The following PTPRD variants were observed in gnomAD, a reference collection of about 807,000 sequenced individuals.
The protein encoded by PTPRD is protein tyrosine phosphatase receptor type D.
Under a neutral mutation model 214.5 loss-of-function variants are expected in PTPRD, and 34 were observed. That is an observed-to-expected ratio of 0.16 (90% CI 0.12 to 0.21). The LOEUF (loss-of-function observed/expected upper bound fraction) is 0.21, where lower values mean the gene tolerates loss of function less well. Among genes scored for constraint, PTPRD ranks in the 10% least tolerant of loss-of-function variants. PTPRD has a pLI of 1.00. For synonymous variants in PTPRD, 1,128 were observed against 845.7 expected, an observed-to-expected ratio of 1.33 and a Z score of -5.79; for missense variants, 2,545 against 2,398.7, an observed-to-expected ratio of 1.06 and a Z score of -1.27.
At chr9:9,987,352 G>C (rs140037323) in intron 4 of PTPRD, among the ~76,000 whole-genome samples, 1 of 152,134 alleles carries the variant, frequency 6.6e-6, no homozygotes, top group African/African-American at 2.4e-5. Flanking sequence ...GCAATTTACA[G>C]AAGAAAGAGG....
chr9:8,566,585 T>A (rs957507026), intron 14 of PTPRD, among the ~76,000 whole-genome samples: 1 of 152,158 alleles, frequency 6.6e-6, no homozygotes. Flanking sequence ...CAGATCTGAG[T>A]AGATCACCAG....
intron 2 of PTPRD, among the ~76,000 whole-genome samples, chr9:10,579,457 T>A (rs1194281421): frequency 6.6e-6 from 1 of 152,206 alleles, no homozygotes; most frequent in Admixed American, 6.5e-5. Context: ...TGTTCTTTTT[T>A]ATGGCTGCAT....
chr9:10,139,626 C>T (rs2098968546), intron 3 of PTPRD, among the ~76,000 whole-genome samples: 1 of 151,886 alleles, frequency 6.6e-6, no homozygotes, highest in African/African-American at 2.4e-5. Flanking sequence ...ATATGTTATC[C>T]TACTTCAAAC....
At chr9:9,010,567 T>C (rs2099506992) in intron 11 of PTPRD, among the ~76,000 whole-genome samples, 1 of 152,220 alleles carries the variant, frequency 6.6e-6, no homozygotes, top group South Asian at 2.1e-4. Flanking sequence ...TGCACATGTT[T>C]TCACATGTTG....
intron 9 of PTPRD, among the ~76,000 whole-genome samples, chr9:9,282,709 C>A (rs1475510551): frequency 6.6e-6 from 1 of 151,324 alleles, no homozygotes; most frequent in Non-Finnish European, 1.5e-5. Context: ...TGAAAGTGGA[C>A]AATTGTTGTT....
At position 9,778,783 on chromosome 9, in the gene PTPRD, A is replaced by C. The variant is rs183615018; in HGVS notation, c.-367-11932T>G. Among the ~76,000 whole-genome samples, 702 of 152,246 alleles carry C rather than the reference A, an allele frequency of 4.6e-3. 5 individuals carry two copies. Among genetic ancestry groups the C allele is most frequent in the Middle Eastern group, 0.017 (5 of 294 alleles). On this transcript the variant is annotated intron_variant, in intron 5 of 45. Coordinates refer to ENST00000381196, the MANE Select transcript of PTPRD (RefSeq NM_002839.4). ...GGCCATGTTCTGGTGCCTCCAGGCT[A>C]TGGCACAAAGTATGGGAGTACAGAG...
At chr9:9,094,134 C>A (rs2099780170) in intron 10 of PTPRD, among the ~76,000 whole-genome samples, 1 of 152,056 alleles carries the variant, frequency 6.6e-6, no homozygotes, top group South Asian at 2.1e-4. Flanking sequence ...CCTGAATAGT[C>A]CTACATTAAT....
rs759874831 is a variant in PTPRD, at chr9:10,060,776, T to TTTTCTTTC, written c.-544-26994_-544-26987dup. Among the ~76,000 whole-genome samples, 17 of 132,184 alleles carry TTTTCTTTC rather than the reference T, an allele frequency of 1.3e-4. 3 individuals are homozygous for TTTTCTTTC. Among genetic ancestry groups the TTTTCTTTC allele is most frequent in the East Asian group, 6.0e-4 (3 of 4,962 alleles). The allele number at this position is 132,184 out of a possible 152,430, so 86.7% of individuals were successfully genotyped here. The stretch of plus-strand genomic sequence containing the variant: ...TCAGCATACCAATCACAGGTCTTGC[T>TTTTCTTTC]TTTCTTTCTTTCTTTCTTTCTTTCT... On this transcript the variant is annotated intron_variant, in intron 3 of 45. Transcript: ENST00000381196.
chr9:10,522,886 A>G (rs909690759), intron 2 of PTPRD, among the ~76,000 whole-genome samples: 1 of 152,112 alleles, frequency 6.6e-6, no homozygotes, highest in Non-Finnish European at 1.5e-5. Context: ...TAAATACAAC[A>G]GTGTTCATCT....
chr9:10,506,577 G>A (rs1431394866), intron 2 of PTPRD, among the ~76,000 whole-genome samples: 4 of 152,008 alleles, frequency 2.6e-5, no homozygotes, highest in Non-Finnish European at 5.9e-5. Context: ...TATATCTCAT[G>A]TACCATATAA....
intron 2 of PTPRD, among the ~76,000 whole-genome samples, chr9:10,559,097 T>C (rs1445996532): frequency 6.6e-6 from 1 of 152,102 alleles, no homozygotes; most frequent in South Asian, 2.1e-4. Flanking sequence ...ATGAGTTAAA[T>C]ACAGGACTTA....
intron 9 of PTPRD, among the ~76,000 whole-genome samples, chr9:9,245,987 G>T (rs2099972893): frequency 6.6e-6 from 1 of 151,998 alleles, no homozygotes; most frequent in Non-Finnish European, 1.5e-5. Context: ...AACTTAAAAA[G>T]ATCCTATGTG....
At chr9:9,246,656 C>T (rs1481725193) in intron 9 of PTPRD, among the ~76,000 whole-genome samples, 1 of 152,008 alleles carries the variant, frequency 6.6e-6, no homozygotes, top group Non-Finnish European at 1.5e-5. Context: ...ACTGCTCACA[C>T]CATATAGCAG....
intron 2 of PTPRD, among the ~76,000 whole-genome samples, chr9:10,546,701 T>A (rs1459859136): frequency 6.6e-6 from 1 of 152,030 alleles, no homozygotes; most frequent in Non-Finnish European, 1.5e-5. Flanking sequence ...TAATAGATAG[T>A]CAATTAGTAA....
chr9:10,165,575 G>A (rs1325485437), intron 3 of PTPRD, among the ~76,000 whole-genome samples: 3 of 151,542 alleles, frequency 2.0e-5, no homozygotes, highest in Non-Finnish European at 4.4e-5. Flanking sequence ...TTGTTTAGTT[G>A]CCAAATAGTA....
chr9:9,506,435 T>C (rs2096572570), intron 8 of PTPRD, among the ~76,000 whole-genome samples: 1 of 151,358 alleles, frequency 6.6e-6, no homozygotes, highest in African/African-American at 2.4e-5. Flanking sequence ...GTGAGATGGG[T>C]CCAATCAATC....
At position 9,333,504 on chromosome 9, in the gene PTPRD, T is replaced by TATATATATATATATATATATA. The variant is rs1555249397; in HGVS notation, c.-203+63944_-203+63945insTATATATATATATATATATAT. On this transcript the variant is annotated intron_variant, in intron 9 of 45. Coordinates refer to ENST00000381196, the MANE Select transcript of PTPRD (RefSeq NM_002839.4). The stretch of plus-strand genomic sequence containing the variant: ...TAAAACATATATATTATATAGTATA[T>TATATATATATATATATATATA]TATATATATATATATATATATAAAG... Among the ~76,000 whole-genome samples the TATATATATATATATATATATA allele has an allele frequency of 1.6e-3, 217 of 137,202 alleles. 6 individuals carry two copies. The highest frequency in any genetic ancestry group is 5.8e-3 in the African/African-American group (200 of 34,262). The allele number at this position is 137,202 out of a possible 152,430, so 90.0% of individuals were successfully genotyped here.
At chr9:8,448,184 T>G (rs943461724) in intron 34 of PTPRD, among the ~76,000 whole-genome samples, 1 of 151,846 alleles carries the variant, frequency 6.6e-6, no homozygotes. Context: ...AAAAATTGTC[T>G]GGATGTGGTG....
At chr9:10,361,072 AG>A (rs2097377663) in intron 2 of PTPRD, among the ~76,000 whole-genome samples, 1 of 152,178 alleles carries the variant, frequency 6.6e-6, no homozygotes, top group Non-Finnish European at 1.5e-5. Context: ...ACTGCACTCC[AG>A]CCTGGGCGAC....
Sources: allele counts gnomAD v4.1 joint callset (sites outside exome capture counted in the v4.1 genomes callset), GRCh38; gene constraint gnomAD v4.1.1; transcripts MANE v1.5; gene names NCBI Gene and HGNC (gene_info 2026-07-23, HGNC 2026-07-21).